The following KPNB1 variants were observed in gnomAD, a reference collection of about 807,000 sequenced individuals.
KPNB1 encodes the protein karyopherin subunit beta 1, also known as importin subunit beta-1.
KPNB1 carries 7 observed loss-of-function variants against 113.0 expected under a neutral mutation model. The observed-to-expected ratio is 0.06, with a 90% CI of 0.04 to 0.12. KPNB1 has a LOEUF of 0.12. Among genes scored for constraint, KPNB1 ranks in the 10% least tolerant of loss-of-function variants. The probability of loss-of-function intolerance (pLI) is 1.00; values close to 1 mark genes in which losing one functional copy is unlikely to be tolerated. For missense variants in KPNB1, 400 were observed against 1,054.8 expected (o/e 0.38, Z 8.60); for synonymous variants, 363 against 378.6 (o/e 0.96, Z 0.48).
chr17:47,673,230 G>A (rs3809868), intron 13 of KPNB1, 65 bp downstream of exon 13: 763,209 of 1,443,602 alleles, frequency 0.53, 204,126 homozygotes, highest in East Asian at 0.65. Context: ...ACCTAGGTCT[G>A]TTTTCCAGAC....
Position 47,683,695 on chromosome 17 carries a change from C to T in KPNB1, c.*1291C>T, listed in dbSNP as rs1041945068. 1.4e-5 allele frequency: 2 copies of T among 145,830 alleles called. No individual in the cohort carries two copies. Among genetic ancestry groups the T allele is most frequent in the African/African-American group, 5.2e-5 (2 of 38,790 alleles). The allele number at this position is 145,830 out of a possible 1,614,324, so 9.0% of individuals were successfully genotyped here. ...ACAATGCGGTATTGGTCTCTTGCTGCACTTCAAAAGCAACCAACAAAACAA... is the reference window on the plus strand; with the variant it reads ...ACAATGCGGTATTGGTCTCTTGCTGTACTTCAAAAGCAACCAACAAAACAA... On this transcript the variant is annotated 3_prime_UTR_variant, in exon 22 of 22. Coordinates refer to ENST00000290158, the MANE Select transcript of KPNB1 (RefSeq NM_002265.6).
intron 2 of KPNB1, 123 bp downstream of exon 2, chr17:47,650,567 C>T (rs1915520016): frequency 1.3e-5 from 8 of 617,388 alleles, no homozygotes; most frequent in South Asian, 3.8e-5. Context: ...CCCCTCCCCC[C>T]TCCCCCTCCC....
rs770945915 is a variant in KPNB1 at position 47,650,219 on chromosome 17, G to T, written c.-26G>T. On this transcript the variant is annotated 5_prime_UTR_variant, in exon 1 of 22. Coordinates refer to ENST00000290158, the MANE Select transcript of KPNB1 (RefSeq NM_002265.6). ...AAAGGCCGGGCCGTCGTCTTAGGAGGAGTCGCCGCCGCCGCCACCTCCGCC... is the reference window on the plus strand; with the variant it reads ...AAAGGCCGGGCCGTCGTCTTAGGAGTAGTCGCCGCCGCCGCCACCTCCGCC... 1.3e-6 allele frequency: 2 copies of T among 1,577,648 alleles called. No individual in the cohort carries two copies. Among genetic ancestry groups the T allele is most frequent in the African/African-American group, 1.4e-5 (1 of 71,442 alleles).
At chr17:47,657,466 A>G (rs1009390705) in intron 4 of KPNB1, among the ~76,000 whole-genome samples, 4 of 152,222 alleles carry the variant, frequency 2.6e-5, no homozygotes, top group Non-Finnish European at 5.9e-5. Context: ...CTGGAGACAC[A>G]GTATTTTAGA....
Position 47,663,087 on chromosome 17 carries a change from A to G in KPNB1, c.697-2A>G. The stretch of plus-strand genomic sequence containing the variant: ...AACTATCTGATCTGCTGTTCATAAA[A>G]GGTACGAGTGGCTGCTTTACAGAAT... On this transcript the variant is annotated splice_acceptor_variant, in intron 6 of 21. Transcript: ENST00000290158. LOFTEE classifies it high-confidence loss of function. 6.5e-7 allele frequency: 1 copy of G among 1,544,080 alleles called. No homozygotes were observed. Among genetic ancestry groups the G allele is most frequent in the Non-Finnish European group, 9.0e-7 (1 of 1,116,442 alleles).
chr17:47,657,923 G>C (rs2029957337), intron 4 of KPNB1, among the ~76,000 whole-genome samples: 1 of 152,114 alleles, frequency 6.6e-6, no homozygotes, highest in Non-Finnish European at 1.5e-5. Flanking sequence ...CAGTTAAAAG[G>C]ACTGCCAATT....
rs1259257340 is a variant in KPNB1 at position 47,664,866 on chromosome 17, A to G, written c.898-191A>G. ...ATACTTAATGTTGCCTTGGACCTAT[A>G]TTATATGGCCTAAAAGATTCTCACT... On this transcript the variant is annotated intron_variant, in intron 8 of 21. Transcript: ENST00000290158. Among the ~76,000 whole-genome samples the G allele has an allele frequency of 3.5e-4, 53 of 152,206 alleles. 1 individual carries two copies. Among genetic ancestry groups the G allele is most frequent in the Non-Finnish European group, 5.9e-5 (4 of 68,034 alleles).
rs1360432141 is a variant in KPNB1, at chr17:47,673,376, GT to G, written c.1696-108del. ...ATGTGTTACACTATATGTATTATGG[GT>G]TTTTTGTTGCTGTTGTTTACTTTCC... On this transcript the variant is annotated intron_variant, in intron 13 of 21. Transcript: ENST00000290158. 69 of 993,470 alleles carry G rather than the reference GT, an allele frequency of 6.9e-5. No individual in the cohort carries two copies. The South Asian group carries it at 9.4e-4, about 14-fold the overall frequency. 61.5% of individuals were successfully genotyped at this position (993,470 alleles called of 1,614,324 possible). A position where few individuals can be genotyped will look rare whatever the true frequency, so the allele number is the denominator to read the frequency against.
At chr17:47,661,843 G>A (rs145831803) in intron 6 of KPNB1, among the ~76,000 whole-genome samples, 13 of 152,234 alleles carry the variant, frequency 8.5e-5, no homozygotes, top group Non-Finnish European at 1.5e-4. Context: ...GATCAGCTTC[G>A]CTACTTCATT....
intron 2 of KPNB1, 42 bp from the exon 3 acceptor site, chr17:47,652,652 T>A (rs776201302): frequency 6.8e-7 from 1 of 1,461,196 alleles, no homozygotes; most frequent in Admixed American, 2.4e-5. Context: ...TTGTGGAAAT[T>A]CCTAAGATAT....
chr17:47,672,966 T>C (rs1485252901), intron 12 of KPNB1, 52 bp from the exon 13 acceptor site: 7 of 1,552,570 alleles, frequency 4.5e-6, no homozygotes, highest in Non-Finnish European at 5.2e-6. Flanking sequence ...GTCTATGTTC[T>C]TCCCTGTCCT....
chr17:47,653,011 A>T, intron 3 of KPNB1, 135 bp downstream of exon 3: 1 of 540,070 alleles, frequency 1.9e-6, no homozygotes, highest in Non-Finnish European at 3.0e-6. Flanking sequence ...TAAAGATAAA[A>T]ATTGTCTTTG....
At position 47,683,015 on chromosome 17, in the gene KPNB1, C is replaced by T. The variant is rs1405443390; in HGVS notation, c.*611C>T. The T allele has an allele frequency of 2.2e-5, 3 of 138,232 alleles. No homozygotes were observed. Among genetic ancestry groups the T allele is most frequent in the African/African-American group, 5.5e-5 (2 of 36,462 alleles). The allele number at this position is 138,232 out of a possible 1,614,324, so 8.6% of individuals were successfully genotyped here. A position where few individuals can be genotyped will look rare whatever the true frequency, so the allele number is the denominator to read the frequency against. On this transcript the variant is annotated 3_prime_UTR_variant, in exon 22 of 22. Coordinates refer to ENST00000290158, the MANE Select transcript of KPNB1 (RefSeq NM_002265.6). Reference sequence around the variant, plus strand: ...TCAAGTCATTGCAGTTTCTTTTTCCCAGAAAACAAGGGGTTAGATGTTGCA... The same window carrying T: ...TCAAGTCATTGCAGTTTCTTTTTCCTAGAAAACAAGGGGTTAGATGTTGCA...
At chr17:47,673,613 T>C (rs1172590588) in intron 14 of KPNB1, 52 bp downstream of exon 14, 5 of 1,339,480 alleles carry the variant, frequency 3.7e-6, no homozygotes, top group Non-Finnish European at 5.4e-6. Context: ...ATTATTAGTA[T>C]CTCAGTATAA....
intron 3 of KPNB1, among the ~76,000 whole-genome samples, chr17:47,653,623 A>G (rs905809727): frequency 1.3e-5 from 2 of 152,214 alleles, no homozygotes; most frequent in Non-Finnish European, 2.9e-5. Context: ...ATATCTGTGC[A>G]GTCATCATTT....
chr17:47,684,493 T>C lies in KPNB1; in HGVS notation c.*2089T>C, dbSNP rs898298110. ...AGTTGTTCTTTGAGAGACAGAATGATGTACTAACCATTCGTGATTATTAAG... is the reference window on the plus strand; with the variant it reads ...AGTTGTTCTTTGAGAGACAGAATGACGTACTAACCATTCGTGATTATTAAG... On this transcript the variant is annotated 3_prime_UTR_variant, in exon 22 of 22. Transcript: ENST00000290158. The C allele has an allele frequency of 6.6e-6, 1 of 152,170 alleles. No individual in the cohort carries two copies. Among genetic ancestry groups the C allele is most frequent in the Non-Finnish European group, 1.5e-5 (1 of 68,028 alleles). 9.4% of individuals were successfully genotyped at this position (152,170 alleles called of 1,614,324 possible). A position where few individuals can be genotyped will look rare whatever the true frequency, so the allele number is the denominator to read the frequency against.
At chr17:47,673,631 G>T in intron 14 of KPNB1, 70 bp downstream of exon 14, 1 of 1,181,014 alleles carries the variant, frequency 8.5e-7, no homozygotes, top group Non-Finnish European at 1.3e-6. Context: ...TAACAAGTTC[G>T]TGTACACACA....
At position 47,680,000 on chromosome 17, in the gene KPNB1, AC is replaced by A; in HGVS notation, c.2354-18del. 6.4e-7 allele frequency: 1 copy of A among 1,561,756 alleles called. No individual in the cohort carries two copies. Among genetic ancestry groups the A allele is most frequent in the Non-Finnish European group, 8.8e-7 (1 of 1,132,500 alleles). ...GCATGAGCCACCGCACCCGACCAAT[AC>A]CTTCTCTCTCTTTTATAGCGGATGT... On this transcript the variant is annotated intron_variant, in intron 19 of 21. Coordinates refer to ENST00000290158, the MANE Select transcript of KPNB1 (RefSeq NM_002265.6).
At chr17:47,672,498 C>G (rs2030481557) in intron 12 of KPNB1, among the ~76,000 whole-genome samples, 1 of 151,870 alleles carries the variant, frequency 6.6e-6, no homozygotes, top group African/African-American at 2.4e-5. Flanking sequence ...TCAAGGAATT[C>G]TCGTGCCTCA....
Sources: allele counts gnomAD v4.1 joint callset (sites outside exome capture counted in the v4.1 genomes callset), GRCh38; gene constraint gnomAD v4.1.1; transcripts MANE v1.5; gene names NCBI Gene and HGNC (gene_info 2026-07-23, HGNC 2026-07-21).